The following NOS1AP variants were observed in gnomAD, a reference collection of about 807,000 sequenced individuals.
NOS1AP encodes nitric oxide synthase 1 adaptor protein.
NOS1AP carries 21 observed loss-of-function variants against 56.2 expected under a neutral mutation model. The ratio of observed to expected loss-of-function variants is 0.37; its 90% CI spans 0.26 to 0.54. The LOEUF (loss-of-function observed/expected upper bound fraction) is 0.54, where lower values mean the gene tolerates loss of function less well. NOS1AP is among the 20% of genes least tolerant of loss of function. NOS1AP has a pLI of 0.84. For missense variants in NOS1AP, 522 were observed against 657.8 expected (o/e 0.79, Z 2.26); for synonymous variants, 270 against 274.6 (o/e 0.98, Z 0.17).
chr1:162,300,150 G>A (rs1404754426), intron 3 of NOS1AP, among the ~76,000 whole-genome samples: 5 of 152,108 alleles, frequency 3.3e-5, no homozygotes, highest in Non-Finnish European at 7.4e-5. Context: ...GTAGTTGGCC[G>A]CTGACCCTAA....
chr1:162,284,375 A>G (rs1298257413), intron 2 of NOS1AP, among the ~76,000 whole-genome samples: 1 of 152,212 alleles, frequency 6.6e-6, no homozygotes, highest in Non-Finnish European at 1.5e-5. Flanking sequence ...CAGGTGGGGA[A>G]GATGCAGAGT....
rs144139687 is a variant in NOS1AP at position 162,244,916 on chromosome 1, C to G, written c.178-42428C>G. ...TCCTGGGCATGCATGAGTATACATG[C>G]ATTTGAGTAACAAGGATATGAGAAG... On this transcript the variant is annotated intron_variant, in intron 2 of 9. Coordinates refer to ENST00000361897, the MANE Select transcript of NOS1AP (RefSeq NM_014697.3). Among the ~76,000 whole-genome samples, 126 of 152,224 alleles carry G rather than the reference C, an allele frequency of 8.3e-4. 1 individual carries two copies. The highest frequency in any genetic ancestry group is 1.3e-3 in the Non-Finnish European group (86 of 68,016).
At chr1:162,297,194 T>C (rs1184149386) in intron 3 of NOS1AP, among the ~76,000 whole-genome samples, 1 of 152,202 alleles carries the variant, frequency 6.6e-6, no homozygotes, top group Non-Finnish European at 1.5e-5. Flanking sequence ...ATGTGGCTGG[T>C]TGGGGTTTCA....
rs1657566881 is a variant in NOS1AP at position 162,352,873 on chromosome 1, C to A, written c.596-2314C>A. Among the ~76,000 whole-genome samples the A allele has an allele frequency of 2.0e-5, 3 of 152,126 alleles. No individual in the cohort carries two copies. The South Asian group carries it at 6.2e-4, about 31-fold the overall frequency. On this transcript the variant is annotated intron_variant, in intron 6 of 9. Transcript: ENST00000361897. ...CATACCCAACAGCCTAATAGGTATC[C>A]CTACTTGACTGTTACACAGACTCTT...
At chr1:162,315,176 CA>C (rs1177461323) in intron 4 of NOS1AP, among the ~76,000 whole-genome samples, 1 of 152,172 alleles carries the variant, frequency 6.6e-6, no homozygotes, top group Non-Finnish European at 1.5e-5. Flanking sequence ...ATGTAAGGAC[CA>C]TGTGAAGGCC....
At chr1:162,081,774 A>ATATTTTTTTTTTTTTT in intron 1 of NOS1AP, among the ~76,000 whole-genome samples, 2 of 44,060 alleles carry the variant, frequency 4.5e-5, no homozygotes, top group African/African-American at 1.5e-4. Context: ...ATATATATAT[A>ATATTTTTTTTTTTTTT]TTTTTTTTTT....
At chr1:162,284,347 G>A (rs1655027652) in intron 2 of NOS1AP, among the ~76,000 whole-genome samples, 1 of 152,136 alleles carries the variant, frequency 6.6e-6, no homozygotes, top group African/African-American at 2.4e-5. Flanking sequence ...AAAGGGTATG[G>A]GACATCTGAC....
In NOS1AP at chr1:162,247,446, G is replaced by A. The variant is rs1653700472; in HGVS notation, c.178-39898G>A. 2.0e-5 allele frequency among the ~76,000 whole-genome samples: 3 copies of A among 152,174 alleles called. No individual in the cohort carries two copies. The South Asian group carries it at 6.2e-4, about 31-fold the overall frequency. On this transcript the variant is annotated intron_variant, in intron 2 of 9. Coordinates refer to ENST00000361897, the MANE Select transcript of NOS1AP (RefSeq NM_014697.3). ...TGATTCCCAGAGTTCCCAGGGTTGA[G>A]TAACCTTTCCTGGAGCACTGTAGGC...
intron 4 of NOS1AP, among the ~76,000 whole-genome samples, chr1:162,308,723 T>A (rs1454711038): frequency 6.6e-6 from 1 of 152,172 alleles, no homozygotes; most frequent in Non-Finnish European, 1.5e-5. Flanking sequence ...ACCACAGAGC[T>A]TGTATTGAAA....
At chr1:162,274,552 G>A (rs182828144) in intron 2 of NOS1AP, among the ~76,000 whole-genome samples, 28 of 152,298 alleles carry the variant, frequency 1.8e-4, no homozygotes, top group Admixed American at 5.2e-4. Flanking sequence ...GGATCTTACT[G>A]TGGTTTTAAT....
In NOS1AP at chr1:162,365,613, C is replaced by G. The variant is rs770961499; in HGVS notation, c.1105+44C>G. 3 of 1,601,130 alleles carry G rather than the reference C, an allele frequency of 1.9e-6. No homozygotes were observed. The Admixed American group carries it at 5.0e-5, about 27-fold the overall frequency. On this transcript the variant is annotated intron_variant, in intron 9 of 9. Transcript: ENST00000361897. ...CAGCCCTGCTTCCTCTGTGAAGGCTCTGGAAAGAGTGTCACTTTCCTTAAG... is the reference window on the plus strand; with the variant it reads ...CAGCCCTGCTTCCTCTGTGAAGGCTGTGGAAAGAGTGTCACTTTCCTTAAG...
intron 8 of NOS1AP, chr1:162,364,725 A>T (rs1206802999): frequency 1.0e-6 from 1 of 985,826 alleles, no homozygotes; most frequent in African/African-American, 1.7e-5. Flanking sequence ...AATATGTGGT[A>T]TGAATCATGG....
At chr1:162,171,726 C>G (rs1281476677) in intron 2 of NOS1AP, among the ~76,000 whole-genome samples, 1 of 152,094 alleles carries the variant, frequency 6.6e-6, no homozygotes, top group Non-Finnish European at 1.5e-5. Context: ...TCTCCTCTCA[C>G]CTAACTTCCC....
At chr1:162,366,774 C>T (rs926928063) in intron 9 of NOS1AP, 18 of 556,670 alleles carry the variant, frequency 3.2e-5, no homozygotes, top group Non-Finnish European at 6.7e-6. Flanking sequence ...CTACCACTAA[C>T]CCTATTCAGA....
At chr1:162,348,015 T>C (rs1039504233) in intron 6 of NOS1AP, among the ~76,000 whole-genome samples, 3 of 152,212 alleles carry the variant, frequency 2.0e-5, no homozygotes, top group African/African-American at 7.2e-5. Flanking sequence ...CACTCCTGGC[T>C]GATGCCGTTA....
intron 2 of NOS1AP, among the ~76,000 whole-genome samples, chr1:162,222,428 A>C (rs1395675375): frequency 6.6e-6 from 1 of 152,114 alleles, no homozygotes; most frequent in African/African-American, 2.4e-5. Context: ...GTGCCCCTGC[A>C]TTGTCAGGAT....
At chr1:162,312,639 T>C (rs1656078895) in intron 4 of NOS1AP, among the ~76,000 whole-genome samples, 1 of 150,264 alleles carries the variant, frequency 6.7e-6, no homozygotes, top group Non-Finnish European at 1.5e-5. Context: ...TTTGGTGTTT[T>C]AGACATGAAG....
intron 2 of NOS1AP, among the ~76,000 whole-genome samples, chr1:162,232,533 A>AGTGT (rs60922543): frequency 1.8e-3 from 274 of 150,354 alleles, no homozygotes; most frequent in Non-Finnish European, 2.9e-3. Flanking sequence ...TTGTGCTTAG[A>AGTGT]GTGTGTGTGT....
At chr1:162,160,667 C>T (rs1557810974) in intron 2 of NOS1AP, among the ~76,000 whole-genome samples, 1 of 152,116 alleles carries the variant, frequency 6.6e-6, no homozygotes, top group Non-Finnish European at 1.5e-5. Flanking sequence ...CTAAGTGGCC[C>T]CCCTCAGCAC....
Sources: allele counts gnomAD v4.1 joint callset (sites outside exome capture counted in the v4.1 genomes callset), GRCh38; gene constraint gnomAD v4.1.1; transcripts MANE v1.5; gene names NCBI Gene and HGNC (gene_info 2026-07-23, HGNC 2026-07-21).